The following SCML4 variants were observed in gnomAD, a reference collection of about 807,000 sequenced individuals.
The protein encoded by SCML4 is sex comb on midleg-like protein 4.
A neutral mutation model predicts 41.1 loss-of-function variants in SCML4; 34 were observed. That is an observed-to-expected ratio of 0.83 (90% CI 0.63 to 1.10). The LOEUF is 1.10. Ranked by LOEUF, SCML4 falls within the 50% of genes least tolerant of loss-of-function variation. The probability of loss-of-function intolerance (pLI) is 0.00; values close to 1 mark genes in which losing one functional copy is unlikely to be tolerated. For synonymous variants in SCML4, 214 were observed against 220.9 expected, an observed-to-expected ratio of 0.97 and a Z score of 0.28; for missense variants, 522 against 534.1, an observed-to-expected ratio of 0.98 and a Z score of 0.22.
intron 2 of SCML4, among the ~76,000 whole-genome samples, chr6:107,763,477 C>T (rs1779781933): frequency 6.6e-6 from 1 of 151,656 alleles, no homozygotes; most frequent in South Asian, 2.1e-4. Context: ...ACCTCCATCT[C>T]CCAGGTTCAA....
chr6:107,820,882 T>C (rs1784901611), intron 1 of SCML4, among the ~76,000 whole-genome samples: 1 of 152,156 alleles, frequency 6.6e-6, no homozygotes, highest in Non-Finnish European at 1.5e-5. Context: ...GAAAGTGACA[T>C]ATTCAAATGC....
upstream of SCML4, among the ~76,000 whole-genome samples, chr6:107,828,849 A>G (rs1785322624): frequency 6.6e-6 from 1 of 152,218 alleles, no homozygotes; most frequent in Admixed American, 6.5e-5. Flanking sequence ...TCATGGGGCC[A>G]GATCTTAGCT....
chr6:107,747,007 C>A, intron 3 of SCML4, 118 bp from the exon 4 acceptor site: 2 of 777,324 alleles, frequency 2.6e-6, no homozygotes, highest in Non-Finnish European at 4.0e-6. Context: ...CTTGGGAAAG[C>A]TGGCAAGGGC....
intron 1 of SCML4, among the ~76,000 whole-genome samples, chr6:107,794,646 T>G (rs1006452588): frequency 6.6e-6 from 1 of 152,292 alleles, no homozygotes; most frequent in African/African-American, 2.4e-5. Context: ...CAAATCTACC[T>G]GAGTGTGCGA....
At chr6:107,820,354 A>G (rs1583678163) in intron 1 of SCML4, among the ~76,000 whole-genome samples, 1 of 152,074 alleles carries the variant, frequency 6.6e-6, no homozygotes, top group Admixed American at 6.5e-5. Context: ...AATGCCACCC[A>G]CCAGTGACCA....
intron 5 of SCML4, among the ~76,000 whole-genome samples, chr6:107,724,226 T>A (rs1775727481): frequency 6.6e-6 from 1 of 152,178 alleles, no homozygotes; most frequent in African/African-American, 2.4e-5. Context: ...AAAGACTGGA[T>A]GCTGTCCCCC....
At chr6:107,800,206 G>A (rs1394286661) in intron 1 of SCML4, among the ~76,000 whole-genome samples, 37 of 151,986 alleles carry the variant, frequency 2.4e-4, no homozygotes, top group Admixed American at 1.8e-3. Flanking sequence ...AACATTTTCC[G>A]CCTTCTTTAC....
chr6:107,773,404 C>T (rs1780670222), intron 1 of SCML4, among the ~76,000 whole-genome samples: 1 of 151,970 alleles, frequency 6.6e-6, no homozygotes, highest in African/African-American at 2.4e-5. Context: ...CTAGCCTGGA[C>T]AACATAGCGA....
intron 1 of SCML4, among the ~76,000 whole-genome samples, chr6:107,778,047 C>A (rs1781097164): frequency 6.6e-6 from 1 of 150,954 alleles, no homozygotes; most frequent in African/African-American, 2.4e-5. Context: ...AAACTCCCAT[C>A]TCTAATAAAA....
At chr6:107,727,264 G>T (rs994715356) in intron 5 of SCML4, among the ~76,000 whole-genome samples, 2 of 152,028 alleles carry the variant, frequency 1.3e-5, no homozygotes, top group African/African-American at 2.4e-5. Flanking sequence ...GGGGTGTGGG[G>T]TGGGTAATAG....
chr6:107,736,519 T>C (rs1777084120), intron 5 of SCML4, among the ~76,000 whole-genome samples: 2 of 152,228 alleles, frequency 1.3e-5, no homozygotes, highest in Non-Finnish European at 2.9e-5. Flanking sequence ...TGTGTGGCTC[T>C]AAACAAGTGA....
intron 2 of SCML4, among the ~76,000 whole-genome samples, chr6:107,770,119 T>C (rs778963803): frequency 6.6e-6 from 1 of 152,218 alleles, no homozygotes; most frequent in Non-Finnish European, 1.5e-5. Context: ...CTGTCATTAA[T>C]GGTAAAATGG....
the SCML4 span, among the ~76,000 whole-genome samples, chr6:107,837,602 T>G: frequency 2.0e-5 from 3 of 152,234 alleles, no homozygotes; most frequent in African/African-American, 7.2e-5. Context: ...TGGTGGCCTG[T>G]GGCTCTTGCC....
At chr6:107,727,464 G>A (rs899011317) in intron 5 of SCML4, among the ~76,000 whole-genome samples, 5 of 152,216 alleles carry the variant, frequency 3.3e-5, no homozygotes, top group African/African-American at 1.2e-4. Flanking sequence ...GTGCTTTTCA[G>A]ATGAGGCTAT....
At chr6:107,710,668 C>T (rs1583369194) in intron 6 of SCML4, among the ~76,000 whole-genome samples, 1 of 66,486 alleles carries the variant, frequency 1.5e-5, no homozygotes, top group Non-Finnish European at 3.2e-5. Flanking sequence ...CCCAGCTACT[C>T]GGGAGGCTGA....
At chr6:107,714,150 GA>G (rs916212604) in intron 6 of SCML4, among the ~76,000 whole-genome samples, 6 of 152,260 alleles carry the variant, frequency 3.9e-5, no homozygotes, top group Non-Finnish European at 8.8e-5. Context: ...AGTTTAATCA[GA>G]TTTTTCTTTT....
chr6:107,741,241 G>A (rs1373854288), intron 5 of SCML4, among the ~76,000 whole-genome samples: 1 of 152,074 alleles, frequency 6.6e-6, no homozygotes, highest in Non-Finnish European at 1.5e-5. Flanking sequence ...TGGGGCCACA[G>A]AGAAATGAAA....
At chr6:107,821,249 G>A (rs1369844880) in intron 1 of SCML4, among the ~76,000 whole-genome samples, 2 of 152,038 alleles carry the variant, frequency 1.3e-5, no homozygotes, top group Non-Finnish European at 2.9e-5. Flanking sequence ...GTACCAAGCC[G>A]TTTAATGTCT....
intron 5 of SCML4, among the ~76,000 whole-genome samples, chr6:107,736,676 T>C (rs1481676588): frequency 3.3e-5 from 5 of 152,210 alleles, no homozygotes; most frequent in Non-Finnish European, 7.3e-5. Context: ...TTTGTAAAGA[T>C]AGACATTCTC....
Sources: gnomAD v4.1 joint callset for allele counts (sites outside exome capture counted in the v4.1 genomes callset) on GRCh38, gnomAD v4.1.1 for gene constraint, MANE v1.5 for transcripts, NCBI Gene and HGNC (gene_info 2026-07-23, HGNC 2026-07-21) for gene names.